ZYG11B: variants seen among roughly 807,000 people sequenced by gnomAD.
ZYG11B encodes zyg-11 family member B, cell cycle regulator.
Under a neutral mutation model 82.4 loss-of-function variants are expected in ZYG11B, and 36 were observed. The ratio of observed to expected loss-of-function variants is 0.44; its 90% CI spans 0.33 to 0.58. The LOEUF (loss-of-function observed/expected upper bound fraction) is 0.58. Among genes scored for constraint, ZYG11B ranks in the 20% least tolerant of loss-of-function variants. The pLI is 0.02. For missense variants in ZYG11B, 552 were observed against 895.6 expected, an observed-to-expected ratio of 0.62 and a Z score of 4.90; for synonymous variants, 303 against 312.8, an observed-to-expected ratio of 0.97 and a Z score of 0.33.
intron 2 of ZYG11B, among the ~76,000 whole-genome samples, chr1:52,763,352 G>A (rs989690057): frequency 2.0e-5 from 3 of 152,114 alleles, no homozygotes; most frequent in Non-Finnish European, 4.4e-5. Context: ...TATTTTGATA[G>A]GAATTGCATT....
At chr1:52,809,281 T>G (rs1386784309) in intron 10 of ZYG11B, among the ~76,000 whole-genome samples, 1 of 152,184 alleles carries the variant, frequency 6.6e-6, no homozygotes, top group Non-Finnish European at 1.5e-5. Context: ...TGTAACTGTT[T>G]TCATCTTGTA....
At chr1:52,818,602 A>T (rs1389230554) in intron 13 of ZYG11B, among the ~76,000 whole-genome samples, 1 of 152,166 alleles carries the variant, frequency 6.6e-6, no homozygotes, top group African/African-American at 2.4e-5. Context: ...AGAGGGAAAC[A>T]TTCCATATCC....
chr1:52,803,103 T>TATATATATATATATATACAC, intron 10 of ZYG11B, among the ~76,000 whole-genome samples: 1 of 79,696 alleles, frequency 1.3e-5, no homozygotes, highest in Admixed American at 1.6e-4. Context: ...TATATACATA[T>TATATATATATATATATACAC]ATATATATAT....
rs570710916 is a variant in ZYG11B, at chr1:52,734,157, C to T, written c.30+7474C>T. 4.6e-5 allele frequency among the ~76,000 whole-genome samples: 7 copies of T among 152,034 alleles called. No individual in the cohort carries two copies. The South Asian group carries it at 1.5e-3, about 32-fold the overall frequency. ...GGACCACAGGCATATGCCAGCATGC[C>T]CAGCTAATTTTTTTTATTTTTGTAG... On this transcript the variant is annotated intron_variant, in intron 1 of 13. Transcript: ENST00000294353.
At chr1:52,796,958 A>ATATTTT (rs1383136504) in intron 8 of ZYG11B, among the ~76,000 whole-genome samples, 174 bp downstream of exon 8, 1 of 90,340 alleles carries the variant, frequency 1.1e-5, no homozygotes, top group Non-Finnish European at 1.9e-5. Flanking sequence ...ATAATTATAT[A>ATATTTT]TTATATATAA....
At chr1:52,821,244 T>G (rs1365209295) in intron 13 of ZYG11B, among the ~76,000 whole-genome samples, 195 bp from the exon 14 acceptor site, 1 of 152,098 alleles carries the variant, frequency 6.6e-6, no homozygotes, top group Non-Finnish European at 1.5e-5. Flanking sequence ...ATTTATTGAT[T>G]GAATGTGTAG....
rs1645330561 is a variant in ZYG11B, at chr1:52,826,989, A to C, written c.*5360A>C. On this transcript the variant is annotated 3_prime_UTR_variant, in exon 14 of 14. Transcript: ENST00000294353. ...TTCCTTAAAAACTTTATACTCTCAG[A>C]TAATCTGCAACAACAAAAATTAAGA... 1 of 147,284 alleles carries C rather than the reference A, an allele frequency of 6.8e-6. No individual in the cohort carries two copies. Among genetic ancestry groups the C allele is most frequent in the Non-Finnish European group, 1.5e-5 (1 of 67,968 alleles). The allele number at this position is 147,284 out of a possible 1,614,324, so 9.1% of individuals were successfully genotyped here. A position where few individuals can be genotyped will look rare whatever the true frequency, so the allele number is the denominator to read the frequency against.
intron 1 of ZYG11B, among the ~76,000 whole-genome samples, chr1:52,741,458 T>A (rs1483407297): frequency 6.6e-6 from 1 of 152,166 alleles, no homozygotes; most frequent in East Asian, 1.9e-4. Flanking sequence ...TTGAGTGCCT[T>A]TCAGTTTCAT....
chr1:52,788,565 G>A (rs938415020), intron 5 of ZYG11B, among the ~76,000 whole-genome samples: 3 of 152,108 alleles, frequency 2.0e-5, no homozygotes, highest in African/African-American at 7.2e-5. Flanking sequence ...GGAGCACTTA[G>A]GACAATTTGA....
intron 3 of ZYG11B, among the ~76,000 whole-genome samples, chr1:52,776,227 A>AT (rs1553260249): frequency 3.4e-4 from 1 of 2,920 alleles, no homozygotes; most frequent in Non-Finnish European, 3.0e-3. Context: ...CTTAAAAAAA[A>AT]AAATATATAT....
chr1:52,772,740 C>G, intron 3 of ZYG11B: 1 of 633,332 alleles, frequency 1.6e-6, no homozygotes, highest in Non-Finnish European at 2.8e-6. Flanking sequence ...TGCAGTGGCG[C>G]TATCTTGGCT....
chr1:52,734,827 C>T (rs1258327986), intron 1 of ZYG11B, among the ~76,000 whole-genome samples: 1 of 151,782 alleles, frequency 6.6e-6, no homozygotes, highest in Non-Finnish European at 1.5e-5. Context: ...CTCCCGGGTT[C>T]AAACGATTTT....
chr1:52,750,427 C>T (rs1360540859), intron 1 of ZYG11B, among the ~76,000 whole-genome samples: 2 of 152,152 alleles, frequency 1.3e-5, no homozygotes, highest in Admixed American at 6.5e-5. Context: ...CATGGGCCAC[C>T]ATGCCTGGCT....
intron 10 of ZYG11B, among the ~76,000 whole-genome samples, chr1:52,802,674 G>A (rs1437256425): frequency 3.3e-5 from 5 of 150,662 alleles, no homozygotes; most frequent in Admixed American, 6.6e-5. Context: ...CAATTTCTAG[G>A]CGAATGAACA....
chr1:52,821,485 T>C lies in ZYG11B; in HGVS notation c.2091T>C (p.His697=). 1.9e-6 allele frequency: 3 copies of C among 1,612,420 alleles called. No individual in the cohort carries two copies. The highest frequency in any genetic ancestry group is 2.2e-5 in the South Asian group (2 of 90,806). The part of the protein sequence containing the change: ...SMLIEEGGLQ[H]LYNIKDHEHT... ...TGATTGAAGAAGGAGGATTGCAGCA[T>C]TTATACAACATCAAAGATCATGAAC... Residue 697 remains histidine (H), a synonymous_variant, in exon 14 of 14, where the codon CAT becomes CAC. Coordinates refer to ENST00000294353, the MANE Select transcript of ZYG11B (RefSeq NM_024646.3).
intron 2 of ZYG11B, among the ~76,000 whole-genome samples, chr1:52,769,304 A>C (rs1644726211): frequency 6.6e-6 from 1 of 152,210 alleles, no homozygotes; most frequent in African/African-American, 2.4e-5. Context: ...TTTTAAATTT[A>C]CCGGTGGCCA....
chr1:52,812,120 G>A (rs1489955391), intron 10 of ZYG11B, among the ~76,000 whole-genome samples: 3 of 151,336 alleles, frequency 2.0e-5, no homozygotes, highest in Admixed American at 2.0e-4. Flanking sequence ...ATTTATAATA[G>A]CTGCTTTAAG....
chr1:52,797,667 C>G (rs1219526382), intron 8 of ZYG11B, among the ~76,000 whole-genome samples: 1 of 149,926 alleles, frequency 6.7e-6, no homozygotes, highest in Non-Finnish European at 1.5e-5. Flanking sequence ...TGCCACCATG[C>G]CCGGCTAATT....
In ZYG11B at chr1:52,816,644, A is replaced by G. The variant is rs1265092747; in HGVS notation, c.2044+15A>G. The stretch of plus-strand genomic sequence containing the variant: ...CAGCAAGAATCGTATGTACCAAAAA[A>G]AAAGAACTGTGTTTTTTTTCTTTAA... On this transcript the variant is annotated intron_variant, in intron 13 of 13. Transcript: ENST00000294353. The G allele has an allele frequency of 6.4e-7, 1 of 1,568,330 alleles. No individual in the cohort carries two copies. The highest frequency in any genetic ancestry group is 1.8e-5 in the Admixed American group (1 of 54,208).
Sources: gnomAD v4.1 joint callset for allele counts (sites outside exome capture counted in the v4.1 genomes callset) on GRCh38, gnomAD v4.1.1 for gene constraint, MANE v1.5 for transcripts, NCBI Gene and HGNC (gene_info 2026-07-23, HGNC 2026-07-21) for gene names.